VDAC1: variants seen among roughly 807,000 people sequenced by gnomAD.
VDAC1 encodes non-selective voltage-gated ion channel VDAC1.
In VDAC1, 10 loss-of-function variants were observed where a neutral mutation model predicts 34.7. The ratio of observed to expected loss-of-function variants is 0.29; its 90% CI spans 0.18 to 0.49. VDAC1 has a LOEUF of 0.49. Among genes scored for constraint, VDAC1 ranks in the 20% least tolerant of loss-of-function variants. VDAC1 has a pLI of 0.99. For missense variants in VDAC1, 230 were observed against 347.9 expected (o/e 0.66, Z 2.69); for synonymous variants, 130 against 136.0 (o/e 0.96, Z 0.30).
the VDAC1 span, among the ~76,000 whole-genome samples, chr5:134,053,957 AG>A: frequency 7.2e-5 from 11 of 152,322 alleles, no homozygotes; most frequent in African/African-American, 2.6e-4. Context: ...TACAGGCCAG[AG>A]GAGGGAACAA....
intron 6 of VDAC1, among the ~76,000 whole-genome samples, chr5:133,976,818 C>A (rs1037458714): frequency 6.6e-6 from 1 of 152,102 alleles, no homozygotes; most frequent in Non-Finnish European, 1.5e-5. Flanking sequence ...CCAAGGCGGG[C>A]AGATCATTTG....
At chr5:134,048,639 G>GC in the VDAC1 span, among the ~76,000 whole-genome samples, 1 of 152,088 alleles carries the variant, frequency 6.6e-6, no homozygotes, top group Non-Finnish European at 1.5e-5. Context: ...AGAAAACTGG[G>GC]CCATAATGAA....
chr5:134,041,705 G>A, the VDAC1 span, among the ~76,000 whole-genome samples: 2 of 152,186 alleles, frequency 1.3e-5, no homozygotes, highest in South Asian at 4.1e-4. Context: ...CCATGCCTGG[G>A]ACTTGGGCCT....
chr5:133,995,212 C>T (rs1323440206), intron 1 of VDAC1, among the ~76,000 whole-genome samples: 1 of 152,216 alleles, frequency 6.6e-6, no homozygotes, highest in Admixed American at 6.5e-5. Context: ...GACCGGACCC[C>T]TCCTGGGGCC....
the VDAC1 span, among the ~76,000 whole-genome samples, chr5:134,112,409 C>T: frequency 1.3e-5 from 2 of 152,218 alleles, no homozygotes; most frequent in African/African-American, 4.8e-5. Flanking sequence ...CCTTAGCAAG[C>T]CTTCAGACTG....
chr5:134,077,330 T>TCCCAATTGC, the VDAC1 span, among the ~76,000 whole-genome samples: 1 of 149,672 alleles, frequency 6.7e-6, no homozygotes, highest in African/African-American at 2.5e-5. Flanking sequence ...CTCTTTACTC[T>TCCCAATTGC]CCCAATTGCC....
the VDAC1 span, among the ~76,000 whole-genome samples, chr5:134,086,788 C>T: frequency 6.6e-6 from 1 of 152,176 alleles, no homozygotes; most frequent in Admixed American, 6.5e-5. Context: ...ACAGACTCAG[C>T]ACATTCCCAT....
the VDAC1 span, among the ~76,000 whole-genome samples, chr5:134,040,411 C>T: frequency 6.6e-5 from 10 of 152,206 alleles, no homozygotes; most frequent in African/African-American, 2.4e-4. Flanking sequence ...CCCATCTCTA[C>T]TAAAAATACA....
intron 6 of VDAC1, among the ~76,000 whole-genome samples, chr5:133,978,168 C>CTT (rs34284060): frequency 2.2e-4 from 32 of 147,206 alleles, no homozygotes; most frequent in Admixed American, 1.3e-3. Context: ...TCTAAATTTT[C>CTT]TTTTTTTTTT....
the VDAC1 span, among the ~76,000 whole-genome samples, chr5:134,033,101 G>A: frequency 6.6e-6 from 1 of 150,600 alleles, no homozygotes; most frequent in Non-Finnish European, 1.5e-5. Context: ...GAGGGAAAAA[G>A]AGAAAGAAAA....
At chr5:134,043,941 C>T in the VDAC1 span, among the ~76,000 whole-genome samples, 2 of 152,142 alleles carry the variant, frequency 1.3e-5, no homozygotes, top group African/African-American at 4.8e-5. Flanking sequence ...ATCCTCACTC[C>T]AGCCCTGACA....
Position 133,992,970 on chromosome 5 carries a change from T to A in VDAC1, c.43A>T (p.Arg15Trp), listed in dbSNP as rs762680897. 6.2e-7 allele frequency: 1 copy of A among 1,613,602 alleles called. No homozygotes were observed. Among genetic ancestry groups the A allele is most frequent in the Non-Finnish European group, 8.5e-7 (1 of 1,179,732 alleles). Residue 15 changes from arginine (R) to tryptophan (W), a missense_variant, in exon 2 of 9, where the codon AGG (arginine) becomes TGG (tryptophan). Physicochemically the swap from Arg to Trp is moderately radical, Grantham distance 101. Coordinates refer to ENST00000265333, the MANE Select transcript of VDAC1 (RefSeq NM_003374.3). ...CCATAGCCCTTGGTGAAGACATCCC[T>A]GGCAGATTTGCCAAGATCGGCATAC... Reference protein sequence around the residue: ...PTYADLGKSARDVFTKGYGFG... With the variant: ...PTYADLGKSAWDVFTKGYGFG...
the VDAC1 span, among the ~76,000 whole-genome samples, chr5:134,075,523 T>G: frequency 6.6e-6 from 1 of 152,378 alleles, no homozygotes; most frequent in Middle Eastern, 3.4e-3. Flanking sequence ...CTACTATTCA[T>G]ACACTACTCA....
Position 133,975,920 on chromosome 5 carries a change from C to T in VDAC1, c.653G>A (p.Arg218His), listed in dbSNP as rs768574647. Reference sequence around the variant, plus strand: ...CTGATACTTGGCTGCTATTCCGAAGCGCGTGTTACTGTTTCCTGCTGTCCA... The same window carrying T: ...CTGATACTTGGCTGCTATTCCGAAGTGCGTGTTACTGTTTCCTGCTGTCCA... ...LAWTAGNSNT[R>H]FGIAAKYQID... is the part of the protein sequence containing the mutation. The change falls in exon 7 of 9, where the codon CGC becomes CAC. Residue 218 changes from arginine to histidine, a missense_variant. By Grantham distance (29) the Arg-to-His change is conservative (BLOSUM62 0). Coordinates refer to ENST00000265333, the MANE Select transcript of VDAC1 (RefSeq NM_003374.3). The T allele has an allele frequency of 1.7e-5, 28 of 1,612,844 alleles. No individual in the cohort carries two copies. The highest frequency in any genetic ancestry group is 5.0e-5 in the Admixed American group (3 of 59,916).
chr5:134,029,532 G>A, the VDAC1 span, among the ~76,000 whole-genome samples: 2 of 152,200 alleles, frequency 1.3e-5, no homozygotes, highest in Non-Finnish European at 2.9e-5. Context: ...TAGAACAGCC[G>A]TGCATCTGTG....
the VDAC1 span, among the ~76,000 whole-genome samples, chr5:134,100,566 G>C: frequency 1.8e-4 from 28 of 152,192 alleles, no homozygotes; most frequent in Non-Finnish European, 3.4e-4. Context: ...CCTGTGAAGG[G>C]GGTGGCAGCA....
the VDAC1 span, among the ~76,000 whole-genome samples, chr5:134,021,754 G>T: frequency 4.6e-5 from 7 of 152,142 alleles, no homozygotes; most frequent in Non-Finnish European, 8.8e-5. Flanking sequence ...ATGTGCAGGT[G>T]GGGGGGCCTA....
At chr5:134,076,456 C>T in the VDAC1 span, among the ~76,000 whole-genome samples, 2 of 152,186 alleles carry the variant, frequency 1.3e-5, no homozygotes, top group African/African-American at 4.8e-5. Flanking sequence ...AAAGTTTGTG[C>T]ATGTCTGTCT....
the VDAC1 span, among the ~76,000 whole-genome samples, chr5:134,103,816 G>A: frequency 2.4e-4 from 36 of 152,334 alleles, no homozygotes; most frequent in Admixed American, 1.0e-3. Flanking sequence ...CAGGAGGAGC[G>A]GGGGCAAAAA....
Sources: gnomAD v4.1 joint callset for allele counts (sites outside exome capture counted in the v4.1 genomes callset) on GRCh38, gnomAD v4.1.1 for gene constraint, MANE v1.5 for transcripts, NCBI Gene and HGNC (gene_info 2026-07-23, HGNC 2026-07-21) for gene names.